Variants in RABGAP1L observed in about 807,000 individuals in gnomAD.
The protein encoded by RABGAP1L is rab GTPase-activating protein 1-like.
RABGAP1L carries 63 observed loss-of-function variants against 137.7 expected under a neutral mutation model. The observed-to-expected ratio is 0.46, with a 90% CI of 0.37 to 0.56. The LOEUF is 0.56. RABGAP1L is among the 20% of genes least tolerant of loss of function. The pLI is 0.00. For synonymous variants in RABGAP1L, 431 were observed against 433.7 expected (o/e 0.99, Z 0.08); for missense variants, 1,095 against 1,244.0 (o/e 0.88, Z 1.80).
At position 174,658,781 on chromosome 1, in the gene RABGAP1L, G is replaced by A. The variant is rs573870618; in HGVS notation, c.1824+21293G>A. On this transcript the variant is annotated intron_variant, in intron 14 of 25. Coordinates refer to ENST00000681986, the MANE Select transcript of RABGAP1L (RefSeq NM_001366446.1). ...AATGGTTTCAGGAAGGGAACAGGAA[G>A]CTTAATTACTTTTTAAAGATGAATT... is the stretch of plus-strand genomic sequence containing the variant. Among the ~76,000 whole-genome samples, 44 of 152,236 alleles carry A rather than the reference G, an allele frequency of 2.9e-4. 1 individual carries two copies. The South Asian group carries it at 8.9e-3, about 31-fold the overall frequency.
At chr1:174,683,492 G>A (rs1437695948) in intron 14 of RABGAP1L, 30 bp from the exon 15 acceptor site, 16 of 1,525,542 alleles carry the variant, frequency 1.0e-5, no homozygotes, top group African/African-American at 2.7e-5. Flanking sequence ...GACTATTTAC[G>A]ATATTTCTTT....
intron 19 of RABGAP1L, among the ~76,000 whole-genome samples, chr1:174,869,235 T>C (rs1216145604): frequency 6.6e-6 from 1 of 152,192 alleles, no homozygotes; most frequent in Non-Finnish European, 1.5e-5. Context: ...GGTTTGGCTC[T>C]GTGTCCCTGC....
At position 174,378,183 on chromosome 1, in the gene RABGAP1L, CAT is replaced by C. The variant is rs1309841102; in HGVS notation, c.1559+7112_1559+7113del. Among the ~76,000 whole-genome samples, 57 of 148,552 alleles carry C rather than the reference CAT, an allele frequency of 3.8e-4. No homozygotes were observed. In the East Asian group the frequency reaches 9.5e-3, roughly 25 times the overall value. ...GCCACATTTTCTTAATCCAGTCTAT[CAT>C]TGTTGGACATTTGGGTTGGTTCCAA... is the stretch of plus-strand genomic sequence containing the variant. On this transcript the variant is annotated intron_variant, in intron 12 of 25. Transcript: ENST00000681986.
rs34143059 is a variant in RABGAP1L at position 174,957,723 on chromosome 1, C to CTTT, written c.2433+195_2433+197dup. 4.6e-3 allele frequency: 2,319 copies of CTTT among 502,500 alleles called. 4 individuals are homozygous for CTTT. Among genetic ancestry groups the CTTT allele is most frequent in the East Asian group, 8.4e-3 (201 of 23,834 alleles). The allele number at this position is 502,500 out of a possible 1,614,324, so 31.1% of individuals were successfully genotyped here. ...CGAGCCACCATTCCCAGCAAAGTAC[C>CTTT]TTTTTTTTTTTTTTTTTTTTTTTCT... is the stretch of plus-strand genomic sequence containing the variant. On this transcript the variant is annotated intron_variant, in intron 20 of 25. Transcript: ENST00000681986.
At chr1:174,960,363 A>G (rs959188468) in intron 20 of RABGAP1L, among the ~76,000 whole-genome samples, 3 of 152,190 alleles carry the variant, frequency 2.0e-5, no homozygotes, top group South Asian at 4.1e-4. Context: ...TGCTACATCT[A>G]TGTAAACATG....
chr1:174,635,552 C>T (rs867861279), intron 13 of RABGAP1L, among the ~76,000 whole-genome samples: 1 of 152,092 alleles, frequency 6.6e-6, no homozygotes, highest in South Asian at 2.1e-4. Flanking sequence ...CCCCACCCTG[C>T]AGTTTTCTTT....
At chr1:174,369,167 A>G (rs1417497235) in intron 11 of RABGAP1L, among the ~76,000 whole-genome samples, 1 of 152,130 alleles carries the variant, frequency 6.6e-6, no homozygotes, top group Non-Finnish European at 1.5e-5. Context: ...TGCGTGACAT[A>G]GTCTAAGTTT....
intron 13 of RABGAP1L, chr1:174,449,191 C>T (rs755722029): frequency 1.3e-6 from 2 of 1,591,932 alleles, no homozygotes; most frequent in South Asian, 2.3e-5. Context: ...ATTCTTGCTC[C>T]ATTTGAAGAG....
At chr1:174,752,213 C>A in intron 17 of RABGAP1L, 100 bp from the exon 18 acceptor site, 1 of 890,310 alleles carries the variant, frequency 1.1e-6, no homozygotes, top group Non-Finnish European at 1.7e-6. Context: ...AAGATGAAAG[C>A]AATTAGGAAT....
At chr1:174,220,258 A>G (rs911770802) in intron 2 of RABGAP1L, among the ~76,000 whole-genome samples, 1 of 152,230 alleles carries the variant, frequency 6.6e-6, no homozygotes, top group African/African-American at 2.4e-5. Flanking sequence ...CTAACAAGAA[A>G]TATAACCTTT....
chr1:174,565,111 C>T (rs1028012580), intron 13 of RABGAP1L, among the ~76,000 whole-genome samples: 2 of 151,930 alleles, frequency 1.3e-5, no homozygotes, highest in Admixed American at 6.6e-5. Context: ...GTGAGGGATT[C>T]GTGGTTTAAT....
At chr1:174,579,946 A>G (rs936366762) in intron 13 of RABGAP1L, among the ~76,000 whole-genome samples, 4 of 152,136 alleles carry the variant, frequency 2.6e-5, no homozygotes, top group Non-Finnish European at 4.4e-5. Context: ...TTTTTGGTAG[A>G]GACAGGGTTT....
chr1:174,275,006 T>C (rs947424387), intron 8 of RABGAP1L: 1 of 152,232 alleles, frequency 6.6e-6, no homozygotes, highest in Non-Finnish European at 1.5e-5. Flanking sequence ...ACTTGTATGC[T>C]GTGTGTTGTT....
At chr1:174,947,726 T>C (rs1232740098) in intron 19 of RABGAP1L, among the ~76,000 whole-genome samples, 1 of 152,162 alleles carries the variant, frequency 6.6e-6, no homozygotes, top group Non-Finnish European at 1.5e-5. Context: ...AGCCAGCCTG[T>C]TTAATTTCTA....
chr1:174,929,187 A>G (rs533340396), intron 19 of RABGAP1L, among the ~76,000 whole-genome samples: 2 of 152,292 alleles, frequency 1.3e-5, no homozygotes, highest in South Asian at 4.1e-4. Context: ...AACACTGTGC[A>G]CATGTACCCT....
chr1:174,541,150 G>C (rs1665383312), intron 13 of RABGAP1L, among the ~76,000 whole-genome samples: 1 of 152,148 alleles, frequency 6.6e-6, no homozygotes, highest in East Asian at 1.9e-4. Flanking sequence ...TGTATTCTAG[G>C]ACTTTGCTGA....
chr1:174,874,578 CTTTTTTTTTTTTTTT>C (rs10530813), intron 19 of RABGAP1L: 137 of 232,720 alleles, frequency 5.9e-4, no homozygotes, highest in Non-Finnish European at 6.9e-4. Flanking sequence ...ACACCACTGC[CTTTTTTTTTTTTTTT>C]TTTTTTTTTT....
At chr1:174,658,937 T>G (rs1180359881) in intron 14 of RABGAP1L, among the ~76,000 whole-genome samples, 1 of 152,190 alleles carries the variant, frequency 6.6e-6, no homozygotes, top group Non-Finnish European at 1.5e-5. Flanking sequence ...TTGATTTTTG[T>G]TTTAGGCACC....
At chr1:174,570,720 G>A (rs1371651333) in intron 13 of RABGAP1L, among the ~76,000 whole-genome samples, 1 of 152,106 alleles carries the variant, frequency 6.6e-6, no homozygotes, top group Non-Finnish European at 1.5e-5. Flanking sequence ...ACTATAGTGA[G>A]ATATCATCTC....
Sources: gnomAD v4.1 joint callset for allele counts (sites outside exome capture counted in the v4.1 genomes callset) on GRCh38, gnomAD v4.1.1 for gene constraint, MANE v1.5 for transcripts, NCBI Gene and HGNC (gene_info 2026-07-23, HGNC 2026-07-21) for gene names.